Variants in RBMS3 observed in about 807,000 individuals in gnomAD.
RBMS3 encodes RNA binding motif single stranded interacting protein 3, also known as RNA-binding motif, single-stranded-interacting protein 3.
In RBMS3, 27 loss-of-function variants were observed where a neutral mutation model predicts 66.8. That is an observed-to-expected ratio of 0.40 (90% CI 0.30 to 0.56). The LOEUF (loss-of-function observed/expected upper bound fraction) is 0.56. Among genes scored for constraint, RBMS3 ranks in the 20% least tolerant of loss-of-function variants. The pLI, the probability that RBMS3 is intolerant of heterozygous loss-of-function variation, is 0.40. For missense variants in RBMS3, 513 were observed against 549.5 expected (o/e 0.93, Z 0.66); for synonymous variants, 188 against 183.0 (o/e 1.03, Z -0.22).
In RBMS3 at chr3:29,843,131, T is replaced by A. The variant is rs562729051; in HGVS notation, c.638-25727T>A. On this transcript the variant is annotated intron_variant, in intron 6 of 14. Coordinates refer to ENST00000383767, the MANE Select transcript of RBMS3 (RefSeq NM_001003793.3). ...TTAGCACTTAAATTGGATGATACATTTAAGTTCAACCCTTGTGTCATAGTG... is the reference window on the plus strand; with the variant it reads ...TTAGCACTTAAATTGGATGATACATATAAGTTCAACCCTTGTGTCATAGTG... Among the ~76,000 whole-genome samples, 24 of 152,392 alleles carry A rather than the reference T, an allele frequency of 1.6e-4. 1 individual carries two copies. The South Asian group carries it at 3.9e-3, about 25-fold the overall frequency.
chr3:29,296,750 A>G (rs1452748056), intron 1 of RBMS3, among the ~76,000 whole-genome samples: 23 of 151,820 alleles, frequency 1.5e-4, no homozygotes, highest in Admixed American at 1.4e-3. Context: ...TATTTCTGAT[A>G]GTAGTTAATC....
intron 6 of RBMS3, among the ~76,000 whole-genome samples, chr3:29,835,777 A>G (rs2058490432): frequency 6.6e-6 from 1 of 151,934 alleles, no homozygotes; most frequent in Admixed American, 6.6e-5. Context: ...ATAAAGATCA[A>G]GGAAGAAATA....
chr3:29,675,355 C>A (rs1375291164), intron 4 of RBMS3, among the ~76,000 whole-genome samples: 1 of 152,118 alleles, frequency 6.6e-6, no homozygotes, highest in Non-Finnish European at 1.5e-5. Flanking sequence ...TCATTCAGGA[C>A]ATAGGCATGG....
intron 4 of RBMS3, among the ~76,000 whole-genome samples, chr3:29,602,723 C>T (rs2048188755): frequency 1.3e-5 from 2 of 151,958 alleles, no homozygotes; most frequent in South Asian, 4.1e-4. Flanking sequence ...ATTATGCATA[C>T]CTTTTTGTTA....
intron 12 of RBMS3, among the ~76,000 whole-genome samples, chr3:29,971,461 A>G (rs2149760187): frequency 6.6e-6 from 1 of 152,040 alleles, no homozygotes; most frequent in South Asian, 2.1e-4. Context: ...GAATTTTTTT[A>G]CTGGTTCAGA....
At chr3:29,712,207 G>T (rs1382838860) in intron 4 of RBMS3, among the ~76,000 whole-genome samples, 1 of 152,110 alleles carries the variant, frequency 6.6e-6, no homozygotes, top group Non-Finnish European at 1.5e-5. Flanking sequence ...CCTTGACTGG[G>T]TTAAGGGATA....
intron 14 of RBMS3, among the ~76,000 whole-genome samples, chr3:29,995,055 A>C (rs538811921): frequency 2.0e-5 from 3 of 152,246 alleles, no homozygotes; most frequent in Non-Finnish European, 4.4e-5. Context: ...TAACTAGAAT[A>C]ACCAATACAG....
chr3:29,731,302 T>G (rs574986880), intron 4 of RBMS3, among the ~76,000 whole-genome samples: 54 of 152,350 alleles, frequency 3.5e-4, no homozygotes, highest in Non-Finnish European at 6.0e-4. Context: ...AAAGTATTTC[T>G]TGGGGACATT....
chr3:29,734,164 G>A (rs965361203), intron 4 of RBMS3, among the ~76,000 whole-genome samples: 1 of 152,042 alleles, frequency 6.6e-6, no homozygotes, highest in African/African-American at 2.4e-5. Context: ...AATACCACAT[G>A]TTCTCACTCA....
At chr3:29,947,096 T>C (rs1291886256) in intron 12 of RBMS3, among the ~76,000 whole-genome samples, 2 of 151,520 alleles carry the variant, frequency 1.3e-5, no homozygotes, top group East Asian at 3.9e-4. Flanking sequence ...ATTAGCAGTT[T>C]CAATGAGATG....
At chr3:29,723,905 A>G (rs1013947202) in intron 4 of RBMS3, among the ~76,000 whole-genome samples, 1 of 151,994 alleles carries the variant, frequency 6.6e-6, no homozygotes, top group African/African-American at 2.4e-5. Flanking sequence ...AATAGCATTT[A>G]TTTTATACTG....
chr3:29,542,361 A>ATT (rs11451149), intron 3 of RBMS3, among the ~76,000 whole-genome samples: 3 of 151,206 alleles, frequency 2.0e-5, no homozygotes, highest in East Asian at 1.9e-4. Context: ...ATCATCTCCA[A>ATT]TTTTTTTTTG....
At chr3:29,618,502 A>C (rs2048747398) in intron 4 of RBMS3, among the ~76,000 whole-genome samples, 1 of 151,686 alleles carries the variant, frequency 6.6e-6, no homozygotes. Context: ...CAAAAACTCT[A>C]TCTCAAAAAA....
At chr3:29,688,137 A>G (rs1323627605) in intron 4 of RBMS3, among the ~76,000 whole-genome samples, 1 of 151,962 alleles carries the variant, frequency 6.6e-6, no homozygotes, top group Non-Finnish European at 1.5e-5. Flanking sequence ...TGATGAAGGT[A>G]AGTTATTCAG....
chr3:29,899,043 T>C (rs1001189079), intron 9 of RBMS3, among the ~76,000 whole-genome samples: 1 of 151,686 alleles, frequency 6.6e-6, no homozygotes, highest in African/African-American at 2.4e-5. Flanking sequence ...ATCTTCTGAG[T>C]TCTCCACGTG....
intron 12 of RBMS3, among the ~76,000 whole-genome samples, chr3:29,952,170 C>T (rs1695726042): frequency 6.6e-6 from 1 of 151,714 alleles, no homozygotes; most frequent in Admixed American, 6.6e-5. Flanking sequence ...TAACCTCTAA[C>T]ATTTTCCCCA....
chr3:29,339,642 G>A (rs2125534456), intron 1 of RBMS3, among the ~76,000 whole-genome samples: 1 of 151,746 alleles, frequency 6.6e-6, no homozygotes, highest in Non-Finnish European at 1.5e-5. Context: ...TTTAGTGAGG[G>A]GAATAGCGGT....
rs397793236 is a variant in RBMS3 at position 29,471,718 on chromosome 3, G to GTTTT, written c.249-16707_249-16704dup. On this transcript the variant is annotated intron_variant, in intron 2 of 14. Coordinates refer to ENST00000383767, the MANE Select transcript of RBMS3 (RefSeq NM_001003793.3). ...ATGAATTTTATATCATGAGGACTTA[G>GTTTT]TTTTTTTTTTTTTTTTTTTGGTAAT... Among the ~76,000 whole-genome samples, 105 of 71,166 alleles carry GTTTT rather than the reference G, an allele frequency of 1.5e-3. 1 individual carries two copies. Among genetic ancestry groups the GTTTT allele is most frequent in the African/African-American group, 5.9e-3 (101 of 17,138 alleles). 46.7% of individuals were successfully genotyped at this position (71,166 alleles called of 152,430 possible).
chr3:29,570,310 A>G (rs182951596), intron 3 of RBMS3, among the ~76,000 whole-genome samples: 132 of 152,214 alleles, frequency 8.7e-4, no homozygotes, highest in Non-Finnish European at 1.5e-3. Flanking sequence ...TCAAGCATTT[A>G]TCCTTTGTTT....
Sources: allele counts gnomAD v4.1 joint callset (sites outside exome capture counted in the v4.1 genomes callset), GRCh38; gene constraint gnomAD v4.1.1; transcripts MANE v1.5; gene names NCBI Gene and HGNC (gene_info 2026-07-23, HGNC 2026-07-21).